The following PCDH15 variants were observed in gnomAD, a reference collection of about 807,000 sequenced individuals.
PCDH15 encodes protocadherin-15.
In PCDH15, 129 loss-of-function variants were observed where a neutral mutation model predicts 178.5. The observed-to-expected ratio is 0.72, with a 90% CI of 0.63 to 0.84. The LOEUF is 0.84. PCDH15 is among the 40% of genes least tolerant of loss of function. The pLI, the probability that PCDH15 is intolerant of heterozygous loss-of-function variation, is 0.00. For synonymous variants in PCDH15, 800 were observed against 732.0 expected (o/e 1.09, Z -1.50); for missense variants, 2,230 against 2,099.9 (o/e 1.06, Z -1.21).
chr10:53,815,087 C>T (rs1471989647), intron 35 of PCDH15, among the ~76,000 whole-genome samples: 1 of 151,942 alleles, frequency 6.6e-6, no homozygotes, highest in Non-Finnish European at 1.5e-5. Context: ...ACTGTAACAA[C>T]CCCTTAGTTG....
chr10:54,670,881 T>C (rs781150524), intron 1 of PCDH15, among the ~76,000 whole-genome samples: 1 of 152,168 alleles, frequency 6.6e-6, no homozygotes, highest in Non-Finnish European at 1.5e-5. Flanking sequence ...CATATTTTTT[T>C]ACCTAATATA....
chr10:54,545,352 G>T (rs565502008), intron 2 of PCDH15, among the ~76,000 whole-genome samples: 1 of 152,182 alleles, frequency 6.6e-6, no homozygotes, highest in South Asian at 2.1e-4. Flanking sequence ...AGAAAAGTAT[G>T]CAATGTATTT....
intron 26 of PCDH15, among the ~76,000 whole-genome samples, chr10:53,887,696 G>T (rs888730455): frequency 3.9e-5 from 6 of 152,098 alleles, no homozygotes; most frequent in Non-Finnish European, 7.4e-5. Flanking sequence ...AGACCATCCT[G>T]ACTAACACGG....
At chr10:54,095,247 T>C (rs1181123446) in intron 15 of PCDH15, among the ~76,000 whole-genome samples, 3 of 152,128 alleles carry the variant, frequency 2.0e-5, no homozygotes, top group Non-Finnish European at 2.9e-5. Flanking sequence ...TATACATTCA[T>C]TCCTGGTATT....
chr10:54,289,154 T>C (rs994453227), intron 8 of PCDH15, among the ~76,000 whole-genome samples: 1 of 152,138 alleles, frequency 6.6e-6, no homozygotes, highest in Admixed American at 6.5e-5. Flanking sequence ...CCCTCTGGGA[T>C]GAAGCTTCCA....
chr10:55,151,483 A>G (rs2132101738), intron 2 of PCDH15, among the ~76,000 whole-genome samples: 1 of 152,226 alleles, frequency 6.6e-6, no homozygotes, highest in South Asian at 2.1e-4. Flanking sequence ...CTAAAAATAC[A>G]CAAGAATGTA....
intron 1 of PCDH15, among the ~76,000 whole-genome samples, chr10:54,697,447 A>G (rs2095244299): frequency 6.6e-6 from 1 of 151,334 alleles, no homozygotes; most frequent in Non-Finnish European, 1.5e-5. Context: ...AAACAGTTAC[A>G]TTATGTTAGA....
chr10:55,201,561 A>G (rs942713302), intron 1 of PCDH15, among the ~76,000 whole-genome samples: 13 of 152,206 alleles, frequency 8.5e-5, no homozygotes, highest in Admixed American at 2.6e-4. Context: ...AGGAACACCT[A>G]TGAAAGACTG....
At chr10:55,008,185 A>G (rs916914969) in intron 2 of PCDH15, among the ~76,000 whole-genome samples, 1 of 152,116 alleles carries the variant, frequency 6.6e-6, no homozygotes, top group African/African-American at 2.4e-5. Context: ...AGTCTACTTG[A>G]GAACTGGATA....
At chr10:55,022,668 ATTTAT>A (rs1840360259) in intron 2 of PCDH15, among the ~76,000 whole-genome samples, 1 of 149,190 alleles carries the variant, frequency 6.7e-6, no homozygotes, top group South Asian at 2.1e-4. Flanking sequence ...TTTGTAAGAT[ATTTAT>A]TTTATTTGAT....
chr10:54,547,749 A>C (rs1163368341), intron 2 of PCDH15, among the ~76,000 whole-genome samples: 1 of 152,140 alleles, frequency 6.6e-6, no homozygotes, highest in African/African-American at 2.4e-5. Context: ...ATTCTGGCAT[A>C]TCTCTCTTGG....
intron 1 of PCDH15, among the ~76,000 whole-genome samples, chr10:55,291,256 C>A (rs1171527206): frequency 6.6e-6 from 1 of 152,132 alleles, no homozygotes; most frequent in Admixed American, 6.6e-5. Context: ...CAACACAAGA[C>A]AACACATACT....
At chr10:54,204,784 C>G (rs2050616989) in intron 10 of PCDH15, among the ~76,000 whole-genome samples, 1 of 152,028 alleles carries the variant, frequency 6.6e-6, no homozygotes. Context: ...AAGATGCTCC[C>G]CTCTTCAACC....
upstream of PCDH15, among the ~76,000 whole-genome samples, chr10:55,322,767 A>C (rs1444509481): frequency 1.3e-5 from 2 of 151,402 alleles, no homozygotes; most frequent in Non-Finnish European, 2.9e-5. Context: ...AAAGAATTGG[A>C]AAATTTGCAG....
chr10:55,283,928 A>G lies in PCDH15; in HGVS notation c.-156+35671T>C, dbSNP rs568841574. Among the ~76,000 whole-genome samples, 25 of 152,064 alleles carry G rather than the reference A, an allele frequency of 1.6e-4. No individual in the cohort carries two copies. In the South Asian group the frequency reaches 4.8e-3, roughly 29 times the overall value. On this transcript the variant is annotated intron_variant, in intron 1 of 5. Coordinates refer to the PCDH15 transcript ENST00000458638. The stretch of plus-strand genomic sequence containing the variant: ...TCATCATTTTTGAATGTCTATTACT[A>G]TTTGTTCTGTAAACTATGCAAATCA...
At chr10:55,244,734 C>T (rs951682310) in intron 1 of PCDH15, among the ~76,000 whole-genome samples, 2 of 151,252 alleles carry the variant, frequency 1.3e-5, no homozygotes, top group Admixed American at 6.6e-5. Context: ...ACATTAATGT[C>T]AGAATACAGG....
chr10:54,572,740 A>G (rs1372080177), intron 2 of PCDH15, among the ~76,000 whole-genome samples: 1 of 152,180 alleles, frequency 6.6e-6, no homozygotes, highest in Non-Finnish European at 1.5e-5. Flanking sequence ...TAGATTAATA[A>G]GTTTTATTAT....
At chr10:54,164,282 G>A (rs2045992023) in intron 13 of PCDH15, among the ~76,000 whole-genome samples, 1 of 152,164 alleles carries the variant, frequency 6.6e-6, no homozygotes, top group South Asian at 2.1e-4. Context: ...AGTGTATTGT[G>A]TTAAATATTT....
intron 1 of PCDH15, among the ~76,000 whole-genome samples, chr10:54,739,284 G>GA: frequency 6.6e-6 from 1 of 150,576 alleles, no homozygotes; most frequent in African/African-American, 2.4e-5. Flanking sequence ...TAAACAATCT[G>GA]AAAAAAATAC....
Sources: allele counts gnomAD v4.1 joint callset (sites outside exome capture counted in the v4.1 genomes callset), GRCh38; gene constraint gnomAD v4.1.1; transcripts MANE v1.5; gene names NCBI Gene and HGNC (gene_info 2026-07-23, HGNC 2026-07-21).